The following DMD variants were observed in gnomAD, a reference collection of about 807,000 sequenced individuals.
The protein encoded by DMD is dystrophin.
A neutral mutation model predicts 330.1 loss-of-function variants in DMD; 63 were observed. The ratio of observed to expected loss-of-function variants is 0.19; its 90% confidence interval spans 0.16 to 0.24. DMD has a LOEUF of 0.24. DMD is among the 10% of genes least tolerant of loss of function. The pLI is 1.00. For missense variants in DMD, 3,344 were observed against 2,684.1 expected (o/e 1.25, Z -5.43); for synonymous variants, 1,223 against 959.8 (o/e 1.27, Z -5.07).
intron 57 of DMD, among the ~76,000 whole-genome samples, chrX:31,482,236 T>TGTG (rs1556658454): frequency 2.0e-4 from 17 of 84,959 alleles, no homozygotes; most frequent in African/African-American, 7.6e-4. Flanking sequence ...TGTGTGTGTG[T>TGTG]GGGGGGGGTG....
intron 44 of DMD, among the ~76,000 whole-genome samples, chrX:32,119,070 T>A (rs1157961783): frequency 9.0e-6 from 1 of 111,050 alleles, no homozygotes; most frequent in Non-Finnish European, 1.9e-5. Flanking sequence ...TGGGGACCCT[T>A]GCTCTATAGT....
intron 60 of DMD, among the ~76,000 whole-genome samples, chrX:31,362,537 A>T (rs753938667): frequency 2.7e-4 from 31 of 113,055 alleles, no homozygotes; most frequent in African/African-American, 9.6e-4. Context: ...CCACAAAAAT[A>T]AAAAATCCAA....
chrX:31,921,207 A>G (rs1407279120), intron 47 of DMD, among the ~76,000 whole-genome samples: 3 of 111,646 alleles, frequency 2.7e-5, no homozygotes, highest in Admixed American at 9.6e-5. Context: ...AACGATGTTC[A>G]GAATTAAAAG....
intron 55 of DMD, among the ~76,000 whole-genome samples, chrX:31,575,362 G>C (rs999734251): frequency 1.8e-5 from 2 of 111,138 alleles, no homozygotes; most frequent in Non-Finnish European, 3.8e-5. Context: ...TGAAAAAAAA[G>C]CCACAGCTGG....
intron 48 of DMD, among the ~76,000 whole-genome samples, chrX:31,862,970 T>G (rs2093732281): frequency 8.9e-6 from 1 of 112,877 alleles, no homozygotes; most frequent in Non-Finnish European, 1.9e-5. Context: ...TACAGGAGAC[T>G]ATAAAACCTT....
intron 2 of DMD, among the ~76,000 whole-genome samples, chrX:32,912,549 A>G (rs1240192322): frequency 1.8e-5 from 2 of 111,924 alleles, no homozygotes; most frequent in South Asian, 7.5e-4. Context: ...TAGTATGCAT[A>G]AATAAATTGT....
intron 1 of DMD, among the ~76,000 whole-genome samples, chrX:33,062,155 G>A (rs1350455868): frequency 8.9e-6 from 1 of 111,799 alleles, no homozygotes; most frequent in Non-Finnish European, 1.9e-5. Flanking sequence ...CTTCTTCTCA[G>A]CAGAAGTTGA....
intron 2 of DMD, among the ~76,000 whole-genome samples, chrX:32,991,629 T>C (rs937542771): frequency 9.0e-6 from 1 of 111,076 alleles, no homozygotes; most frequent in Non-Finnish European, 1.9e-5. Flanking sequence ...TAATTACTAA[T>C]ACATGTATAC....
At chrX:32,641,960 T>C (rs907052854) in intron 11 of DMD, among the ~76,000 whole-genome samples, 2 of 111,895 alleles carry the variant, frequency 1.8e-5, no homozygotes, top group Non-Finnish European at 3.8e-5. Context: ...TAATGGAAAC[T>C]GAACAGGTTA....
intron 48 of DMD, among the ~76,000 whole-genome samples, chrX:31,869,280 A>G (rs1159220346): frequency 1.8e-5 from 2 of 111,088 alleles, no homozygotes; most frequent in African/African-American, 6.5e-5. Flanking sequence ...GGAAAGTCTT[A>G]CTTTGATTAA....
chrX:32,858,832 T>G (rs1230793200), intron 2 of DMD, among the ~76,000 whole-genome samples: 1 of 111,141 alleles, frequency 9.0e-6, no homozygotes, highest in Non-Finnish European at 1.9e-5. Context: ...GGTTCTAATT[T>G]TCCTGCCTGC....
intron 46 of DMD, 49 bp from the exon 47 acceptor site, chrX:31,929,794 C>T: frequency 8.4e-7 from 1 of 1,194,368 alleles, no homozygotes; most frequent in African/African-American, 1.7e-5. Context: ...CAGCACAATT[C>T]CAACTACCTT....
chrX:33,142,876 T>C (rs2047865577), intron 1 of DMD, among the ~76,000 whole-genome samples: 1 of 111,777 alleles, frequency 8.9e-6, no homozygotes, highest in African/African-American at 3.2e-5. Context: ...AACTCACAAA[T>C]ATTGTTGCAG....
chrX:33,287,045 T>A (rs1242228745), intron 1 of DMD, among the ~76,000 whole-genome samples: 2 of 111,883 alleles, frequency 1.8e-5, no homozygotes, highest in African/African-American at 6.5e-5. Flanking sequence ...TGGAATGCCA[T>A]GGACTGTGAC....
At chrX:32,393,736 G>C (rs1347859647) in intron 30 of DMD, among the ~76,000 whole-genome samples, 1 of 110,783 alleles carries the variant, frequency 9.0e-6, no homozygotes, top group Non-Finnish European at 1.9e-5. Context: ...GGAAAGAAAA[G>C]CACCAAATAA....
intron 7 of DMD, among the ~76,000 whole-genome samples, chrX:32,727,308 T>G (rs1407391643): frequency 3.6e-5 from 4 of 111,106 alleles, no homozygotes; most frequent in Non-Finnish European, 7.6e-5. Flanking sequence ...CAAAAAATAC[T>G]AAAGTAGGTG....
At chrX:32,010,301 A>G (rs771695200) in intron 44 of DMD, among the ~76,000 whole-genome samples, 1 of 112,071 alleles carries the variant, frequency 8.9e-6, no homozygotes, top group East Asian at 2.8e-4. Context: ...GAAAATAACT[A>G]TACAATGCTG....
At chrX:32,879,311 G>A (rs1241560412) in intron 2 of DMD, among the ~76,000 whole-genome samples, 1 of 111,525 alleles carries the variant, frequency 9.0e-6, no homozygotes, top group East Asian at 2.8e-4. Flanking sequence ...AAACAGCATT[G>A]GAGGAAGAAA....
At chrX:31,259,201 C>A (rs941620425) in intron 63 of DMD, among the ~76,000 whole-genome samples, 3 of 111,694 alleles carry the variant, frequency 2.7e-5, no homozygotes, top group Non-Finnish European at 1.9e-5. Context: ...CTAGAAATTA[C>A]TGTAATTAGA....
Sources: gnomAD v4.1 joint callset for allele counts (sites outside exome capture counted in the v4.1 genomes callset) on GRCh38, gnomAD v4.1.1 for gene constraint, MANE v1.5 for transcripts, NCBI Gene and HGNC (gene_info 2026-07-23, HGNC 2026-07-21) for gene names.